Variants in RPA4 observed in about 807,000 individuals in gnomAD.
RPA4 encodes the protein replication protein A4, also known as replication protein A 30 kDa subunit.
For synonymous variants in RPA4, 88 were observed against 84.4 expected (o/e 1.04, Z -0.23); for missense variants, 229 against 215.5 (o/e 1.06, Z -0.39).
In RPA4 at chrX:96,884,653, C is replaced by G. The variant is rs1161220237; in HGVS notation, c.343C>G (p.Gln115Glu). The G allele has an allele frequency of 8.3e-7, 1 of 1,207,305 alleles. No homozygotes were observed. Among genetic ancestry groups the G allele is most frequent in the Admixed American group, 2.2e-5 (1 of 45,403 alleles). Residue 115 changes from glutamine (Q) to glutamate (E), a missense_variant, in exon 1 of 1, where the codon CAG (glutamine) becomes GAG (glutamate). Coordinates refer to ENST00000373040, the MANE Select transcript of RPA4 (RefSeq NM_013347.4). ...RQWFGREKVK[Q>E]VTPLSVGVYV... ...GTGGTTTGGTAGAGAGAAAGTCAAG[C>G]AGGTGACTCCATTGTCAGTCGGAGT...
At position 96,885,060 on chromosome X, in the gene RPA4, C is replaced by T. The variant is rs757353111; in HGVS notation, c.750C>T (p.Pro250=). Residue 250 remains proline, a synonymous_variant, in exon 1 of 1, where the codon CCC becomes CCT. Coordinates refer to ENST00000373040, the MANE Select transcript of RPA4 (RefSeq NM_013347.4). Reference sequence around the variant, plus strand: ...TGACCGTTGAGGGCCACATCTATCCCACTGTGGATCGGGAGCATTTTAAGT... The same window carrying T: ...TGACCGTTGAGGGCCACATCTATCCTACTGTGGATCGGGAGCATTTTAAGT... ...DYLTVEGHIY[P]TVDREHFKSA... 2.5e-6 allele frequency: 3 copies of T among 1,209,501 alleles called. No individual in the cohort carries two copies. Among genetic ancestry groups the T allele is most frequent in the Admixed American group, 2.2e-5 (1 of 45,899 alleles).
In RPA4 at chrX:96,884,672, T is replaced by C. The variant is rs1440932728; in HGVS notation, c.362T>C (p.Val121Ala). The change falls in exon 1 of 1, where the codon GTC becomes GCC. Residue 121 changes from valine to alanine, a missense_variant. By Grantham distance (64) the Val-to-Ala change is moderately conservative. Transcript: ENST00000373040. ...GTCAAGCAGGTGACTCCATTGTCAG[T>C]CGGAGTATATGTCAAAGTGTTTGGT... ...EKVKQVTPLSVGVYVKVFGIL... is the reference protein window; with the variant it reads ...EKVKQVTPLSAGVYVKVFGIL... 4.1e-6 allele frequency: 5 copies of C among 1,207,699 alleles called. No individual in the cohort carries two copies. Among genetic ancestry groups the C allele is most frequent in the Non-Finnish European group, 4.5e-6 (4 of 894,486 alleles).
chrX:96,884,892 T>A lies in RPA4; in HGVS notation c.582T>A (p.Asp194Glu). The change falls in exon 1 of 1, where the codon GAT (aspartate) becomes GAA (glutamate). Residue 194 changes from aspartate to glutamate, a missense_variant. By Grantham distance (45) the Asp-to-Glu change is conservative. Transcript: ENST00000373040. Reference sequence around the variant, plus strand: ...AAGTGAATGATGCTGGGGATAACGATGAGAGTCACCGCAATTTCATCCAGG... The same window carrying A: ...AAGTGAATGATGCTGGGGATAACGAAGAGAGTCACCGCAATTTCATCCAGG... ...PSEVNDAGDN[D>E]ESHRNFIQDE... 1.7e-6 allele frequency: 2 copies of A among 1,211,337 alleles called. No individual in the cohort carries two copies. The highest frequency in any genetic ancestry group is 2.2e-6 in the Non-Finnish European group (2 of 895,242).
rs369646035 is a variant in RPA4 at position 96,885,075 on chromosome X, G to A, written c.765G>A (p.Glu255=). 2.5e-6 allele frequency: 3 copies of A among 1,205,464 alleles called. No individual in the cohort carries two copies. Among genetic ancestry groups the A allele is most frequent in the African/African-American group, 3.5e-5 (2 of 56,683 alleles). Residue 255 remains glutamate (E), a synonymous_variant, in exon 1 of 1, where the codon GAG becomes GAA. Coordinates refer to ENST00000373040, the MANE Select transcript of RPA4 (RefSeq NM_013347.4). The stretch of plus-strand genomic sequence containing the variant: ...ACATCTATCCCACTGTGGATCGGGA[G>A]CATTTTAAGTCTGCTGATTGAGGCA... ...EGHIYPTVDR[E]HFKSAD is the part of the protein sequence containing the mutation.
chrX:96,884,891 A>C lies in RPA4; in HGVS notation c.581A>C (p.Asp194Ala). The C allele has an allele frequency of 8.3e-7, 1 of 1,211,386 alleles. No homozygotes were observed. The highest frequency in any genetic ancestry group is 1.1e-6 in the Non-Finnish European group (1 of 895,352). Residue 194 changes from aspartate to alanine, a missense_variant, in exon 1 of 1, where the codon GAT becomes GCT. Coordinates refer to ENST00000373040, the MANE Select transcript of RPA4 (RefSeq NM_013347.4). ...GAAGTGAATGATGCTGGGGATAACG[A>C]TGAGAGTCACCGCAATTTCATCCAG... is the stretch of plus-strand genomic sequence containing the variant. ...PSEVNDAGDN[D>A]ESHRNFIQDE... is the part of the protein sequence containing the mutation.
Position 96,885,097 on chromosome X carries a change from G to T in RPA4, c.*1G>T. ...GGAGCATTTTAAGTCTGCTGATTGA[G>T]GCAGGGAAAACATCCTTTCATTTTT... On this transcript the variant is annotated 3_prime_UTR_variant, in exon 1 of 1. Transcript: ENST00000373040. 8.3e-7 allele frequency: 1 copy of T among 1,198,482 alleles called. No homozygotes were observed.
rs765843821 is a variant in RPA4 at position 96,883,984 on chromosome X, C to A, written c.-327C>A. 160 of 188,373 alleles carry A rather than the reference C, an allele frequency of 8.5e-4. No homozygotes were observed. Among genetic ancestry groups the A allele is most frequent in the African/African-American group, 4.3e-3 (143 of 33,476 alleles). 15.5% of individuals were successfully genotyped at this position (188,373 alleles called of 1,213,427 possible). On this transcript the variant is annotated 5_prime_UTR_variant, in exon 1 of 1. Coordinates refer to ENST00000373040, the MANE Select transcript of RPA4 (RefSeq NM_013347.4). ...ACACGTGGGACTTTTAATAGATAGG[C>A]GCTTTGACCAGCTAAGCAACAGGGC...
chrX:96,885,166 CTTT>C lies in RPA4; in HGVS notation c.*73_*75del. On this transcript the variant is annotated 3_prime_UTR_variant, in exon 1 of 1. Coordinates refer to ENST00000373040, the MANE Select transcript of RPA4 (RefSeq NM_013347.4). ...GCTGTGAGTAATTTTGACCTGTTGA[CTTT>C]TTAGGAAGTAGGACTAAAAAAAAAA... is the stretch of plus-strand genomic sequence containing the variant. 2 of 951,616 alleles carry C rather than the reference CTTT, an allele frequency of 2.1e-6. No individual in the cohort carries two copies. The allele number at this position is 951,616 out of a possible 1,213,427, so 78.4% of individuals were successfully genotyped here. A position where few individuals can be genotyped will look rare whatever the true frequency, so the allele number is the denominator to read the frequency against.
Position 96,884,607 on chromosome X carries a change from G to T in RPA4, c.297G>T (p.Ala99=). Reference sequence around the variant, plus strand: ...GTTACAAAATTGATGATATGACCGCGAAACCAATCGAGGCCCGACAGTGGT... The same window carrying T: ...GTTACAAAATTGATGATATGACCGCTAAACCAATCGAGGCCCGACAGTGGT... The part of the protein sequence containing the change: ...HICYKIDDMT[A]KPIEARQWFG... The change falls in exon 1 of 1, where the codon GCG becomes GCT. Residue 99 remains alanine, a synonymous_variant. Coordinates refer to ENST00000373040, the MANE Select transcript of RPA4 (RefSeq NM_013347.4). The T allele has an allele frequency of 8.3e-6, 10 of 1,210,304 alleles. No individual in the cohort carries two copies. The highest frequency in any genetic ancestry group is 1.1e-5 in the Non-Finnish European group (10 of 895,180).
Position 96,884,446 on chromosome X carries a change from G to A in RPA4, c.136G>A (p.Val46Ile), listed in dbSNP as rs2065243264. Reference protein sequence around the residue: ...TQRPKVRIQDVVPCNVNQLLS... With the variant: ...TQRPKVRIQDIVPCNVNQLLS... ...AAGACCTAAGGTCCGAATTCAGGAC[G>A]TTGTACCGTGTAATGTGAACCAGCT... is the stretch of plus-strand genomic sequence containing the variant. Residue 46 changes from valine (V) to isoleucine (I), a missense_variant, in exon 1 of 1, where the codon GTT (valine) becomes ATT (isoleucine). Physicochemically the swap from Val to Ile is conservative, Grantham distance 29. Coordinates refer to ENST00000373040, the MANE Select transcript of RPA4 (RefSeq NM_013347.4). The A allele has an allele frequency of 1.7e-6, 2 of 1,208,714 alleles. No individual in the cohort carries two copies. Among genetic ancestry groups the A allele is most frequent in the East Asian group, 3.0e-5 (1 of 33,735 alleles).
chrX:96,884,918 A>T lies in RPA4; in HGVS notation c.608A>T (p.Asp203Val), dbSNP rs759709110. 1.2e-5 allele frequency: 15 copies of T among 1,211,306 alleles called. No individual in the cohort carries two copies. In the South Asian group the frequency reaches 2.3e-4, roughly 18 times the overall value. Residue 203 changes from aspartate (D) to valine (V), a missense_variant, in exon 1 of 1, where the codon GAC (aspartate) becomes GTC (valine). Asp to Val is a radical substitution (Grantham distance 152, BLOSUM62 -3). Coordinates refer to ENST00000373040, the MANE Select transcript of RPA4 (RefSeq NM_013347.4). Reference sequence around the variant, plus strand: ...GAGAGTCACCGCAATTTCATCCAGGACGAAGTGCTGCGTTTGATTCATGAG... The same window carrying T: ...GAGAGTCACCGCAATTTCATCCAGGTCGAAGTGCTGCGTTTGATTCATGAG... The part of the protein sequence containing the change: ...NDESHRNFIQ[D>V]EVLRLIHECP...
chrX:96,885,449 CAA>C (rs60706314), exon 1 of RPA4: 1,673 of 34,231 alleles, frequency 0.049, 6 homozygotes, highest in African/African-American at 0.081. Context: ...AGCGAAAAGA[CAA>C]AAAAAAAAAA....
In RPA4 at chrX:96,884,241, A is replaced by G. The variant is rs892529848; in HGVS notation, c.-70A>G. 1.0e-6 allele frequency: 1 copy of G among 979,704 alleles called. No individual in the cohort carries two copies. The highest frequency in any genetic ancestry group is 2.0e-5 in the African/African-American group (1 of 51,240). 80.7% of individuals were successfully genotyped at this position (979,704 alleles called of 1,213,427 possible). Reference sequence around the variant, plus strand: ...GAGAGCTCGAAGCCTTCTGTGGAGAACTCAAAGCCGTCCGTGGAGCCCCAG... The same window carrying G: ...GAGAGCTCGAAGCCTTCTGTGGAGAGCTCAAAGCCGTCCGTGGAGCCCCAG... On this transcript the variant is annotated 5_prime_UTR_variant, in exon 1 of 1. Transcript: ENST00000373040.
Position 96,885,004 on chromosome X carries a change from G to T in RPA4, c.694G>T (p.Val232Phe), listed in dbSNP as rs2065249962. Residue 232 changes from valine to phenylalanine, a missense_variant, in exon 1 of 1, where the codon GTC (valine) becomes TTC (phenylalanine). By Grantham distance (50) the Val-to-Phe change is conservative. Transcript: ENST00000373040. ...ELRAQLCDLS[V>F]KAIKEAIDYL... ...CCGGGCTCAGCTCTGCGACCTTAGC[G>T]TCAAGGCCATCAAGGAAGCGATTGA... The T allele has an allele frequency of 5.8e-6, 7 of 1,210,920 alleles. No individual in the cohort carries two copies. In the East Asian group the frequency reaches 2.1e-4, roughly 36 times the overall value.
At position 96,884,814 on chromosome X, in the gene RPA4, G is replaced by C. The variant is rs1388715702; in HGVS notation, c.504G>C (p.Leu168=). Residue 168 remains leucine (L), a synonymous_variant, in exon 1 of 1, where the codon CTG becomes CTC. Transcript: ENST00000373040. ...ILETVNAHMM[L]DKARRDTTVE... ...AAACGGTCAATGCACACATGATGCT[G>C]GATAAAGCCCGTCGTGATACCACTG... 8.3e-7 allele frequency: 1 copy of C among 1,209,061 alleles called. No individual in the cohort carries two copies. The highest frequency in any genetic ancestry group is 1.1e-6 in the Non-Finnish European group (1 of 894,994).
rs1487237458 is a variant in RPA4 at position 96,884,219 on chromosome X, A to C, written c.-92A>C. The C allele has an allele frequency of 1.4e-6, 1 of 736,184 alleles. No individual in the cohort carries two copies. Among genetic ancestry groups the C allele is most frequent in the Non-Finnish European group, 2.0e-6 (1 of 509,951 alleles). 60.7% of individuals were successfully genotyped at this position (736,184 alleles called of 1,213,427 possible). A position where few individuals can be genotyped will look rare whatever the true frequency, so the allele number is the denominator to read the frequency against. On this transcript the variant is annotated 5_prime_UTR_variant, in exon 1 of 1. Transcript: ENST00000373040. ...GGACAGCTCGAAGCCTTCTGTGGAGAGCTCGAAGCCTTCTGTGGAGAACTC... is the reference window on the plus strand; with the variant it reads ...GGACAGCTCGAAGCCTTCTGTGGAGCGCTCGAAGCCTTCTGTGGAGAACTC...
rs763086019 is a variant in RPA4, at chrX:96,884,937, T to C, written c.627T>C (p.Ile209=). The C allele has an allele frequency of 5.8e-6, 7 of 1,211,396 alleles. 2 individuals carry two copies. The South Asian group carries it at 1.2e-4, about 21-fold the overall frequency. The change falls in exon 1 of 1, where the codon ATT becomes ATC. Residue 209 remains isoleucine (I), a synonymous_variant. Coordinates refer to ENST00000373040, the MANE Select transcript of RPA4 (RefSeq NM_013347.4). ...TCCAGGACGAAGTGCTGCGTTTGAT[T>C]CATGAGTGTCCTCATCAGGAAGGGA... ...NFIQDEVLRL[I]HECPHQEGKS... is the part of the protein sequence containing the mutation.
At position 96,885,223 on chromosome X, in the gene RPA4, C is replaced by A; in HGVS notation, c.*127C>A. 3 of 558,016 alleles carry A rather than the reference C, an allele frequency of 5.4e-6. No individual in the cohort carries two copies. Among genetic ancestry groups the A allele is most frequent in the Non-Finnish European group, 8.6e-6 (3 of 348,429 alleles). The allele number at this position is 558,016 out of a possible 1,213,427, so 46.0% of individuals were successfully genotyped here. On this transcript the variant is annotated 3_prime_UTR_variant, in exon 1 of 1. Transcript: ENST00000373040. ...TCAAGTGGCATTCTTTGTCAACTCG[C>A]TGCTTTTCTAACTGCTTTGAACTTT...
Position 96,884,033 on chromosome X carries a change from A to T in RPA4, c.-278A>T, listed in dbSNP as rs1380562700. 3.7e-6 allele frequency: 1 copy of T among 269,359 alleles called. No homozygotes were observed. Among genetic ancestry groups the T allele is most frequent in the Non-Finnish European group, 6.5e-6 (1 of 154,152 alleles). 22.2% of individuals were successfully genotyped at this position (269,359 alleles called of 1,213,427 possible). A position where few individuals can be genotyped will look rare whatever the true frequency, so the allele number is the denominator to read the frequency against. ...GCTCCCCTCGTGTGGGACTTTTAGAATGTAGCAACCACTGACACACAGGGA... is the reference window on the plus strand; with the variant it reads ...GCTCCCCTCGTGTGGGACTTTTAGATTGTAGCAACCACTGACACACAGGGA... On this transcript the variant is annotated 5_prime_UTR_variant, in exon 1 of 1. An upstream start codon of the reference 5' UTR is lost. Coordinates refer to ENST00000373040, the MANE Select transcript of RPA4 (RefSeq NM_013347.4).
Sources: gnomAD v4.1 joint callset for allele counts on GRCh38, gnomAD v4.1.1 for gene constraint, MANE v1.5 for transcripts, NCBI Gene and HGNC (gene_info 2026-07-23, HGNC 2026-07-21) for gene names.